DLGAP2: variants seen among roughly 807,000 people sequenced by gnomAD.
The protein encoded by DLGAP2 is disks large-associated protein 2.
A neutral mutation model predicts 100.3 loss-of-function variants in DLGAP2; 26 were observed. The observed-to-expected ratio is 0.26, with a 90% CI of 0.19 to 0.36. The LOEUF (loss-of-function observed/expected upper bound fraction) is 0.36. Ranked by LOEUF, DLGAP2 falls within the 10% of genes least tolerant of loss-of-function variation. DLGAP2 has a pLI of 1.00. For synonymous variants in DLGAP2, 886 were observed against 630.1 expected, an observed-to-expected ratio of 1.41 and a Z score of -6.08; for missense variants, 1,858 against 1,453.2, an observed-to-expected ratio of 1.28 and a Z score of -4.53.
At chr8:1,219,022 G>T (rs960595534) in intron 2 of DLGAP2, among the ~76,000 whole-genome samples, 6 of 152,152 alleles carry the variant, frequency 3.9e-5, no homozygotes, top group Admixed American at 6.5e-5. Context: ...GAGCCTTTGG[G>T]CAGAAACTGC....
intron 2 of DLGAP2, among the ~76,000 whole-genome samples, chr8:1,084,034 A>G (rs1030531424): frequency 6.6e-6 from 1 of 152,218 alleles, no homozygotes; most frequent in Non-Finnish European, 1.5e-5. Flanking sequence ...CTGTGTGATT[A>G]ACACACAAAC....
At chr8:922,506 T>A (rs1001988351) in intron 2 of DLGAP2, among the ~76,000 whole-genome samples, 20 of 152,344 alleles carry the variant, frequency 1.3e-4, no homozygotes, top group Non-Finnish European at 2.4e-4. Flanking sequence ...ATGACTTACT[T>A]CATCTTTGAT....
rs1177116476 is a variant in DLGAP2, at chr8:1,630,972, C to T, written c.1591-1855C>T. Among the ~76,000 whole-genome samples, 54 of 86,184 alleles carry T rather than the reference C, an allele frequency of 6.3e-4. 1 individual carries two copies. Among genetic ancestry groups the T allele is most frequent in the Admixed American group, 1.9e-3 (15 of 7,736 alleles). 56.5% of individuals were successfully genotyped at this position (86,184 alleles called of 152,430 possible). On this transcript the variant is annotated intron_variant, in intron 7 of 14. Transcript: ENST00000637795. ...GGAGGTCCCAGTGTCCCGAGGGTCT[C>T]GGCGGGAGGTCCGGGTGTCCCGAGG...
intron 2 of DLGAP2, among the ~76,000 whole-genome samples, chr8:1,185,167 A>G (rs1416579947): frequency 6.6e-6 from 1 of 152,082 alleles, no homozygotes; most frequent in African/African-American, 2.4e-5. Flanking sequence ...GTGCCGGGCG[A>G]ATGCTGTTCA....
chr8:1,501,447 C>G lies in DLGAP2; in HGVS notation c.172+16C>G. The stretch of plus-strand genomic sequence containing the variant: ...GAGGATCTAGGTAGAGTACAGACGT[C>G]AGCCCCGCTCTGGCGGGGCCCGGAC... On this transcript the variant is annotated intron_variant, in intron 4 of 14. Transcript: ENST00000637795. 2 of 1,535,464 alleles carry G rather than the reference C, an allele frequency of 1.3e-6. No individual in the cohort carries two copies. Among genetic ancestry groups the G allele is most frequent in the South Asian group, 2.4e-5 (2 of 84,034 alleles).
chr8:1,017,853 C>T (rs1477950485), intron 2 of DLGAP2, among the ~76,000 whole-genome samples: 1 of 152,218 alleles, frequency 6.6e-6, no homozygotes, highest in African/African-American at 2.4e-5. Context: ...TGCTTTAGTT[C>T]AGGGCAGGCA....
chr8:821,715 A>C (rs1307887916), intron 1 of DLGAP2, among the ~76,000 whole-genome samples: 3 of 152,212 alleles, frequency 2.0e-5, no homozygotes, highest in Non-Finnish European at 2.9e-5. Flanking sequence ...TTTTTCATCA[A>C]ATTATATAAG....
intron 3 of DLGAP2, among the ~76,000 whole-genome samples, chr8:1,488,182 C>G (rs989637902): frequency 2.0e-5 from 3 of 152,126 alleles, no homozygotes; most frequent in Non-Finnish European, 4.4e-5. Context: ...ACACAGTCCT[C>G]CCCACACTGT....
intron 3 of DLGAP2, among the ~76,000 whole-genome samples, chr8:1,373,199 T>A (rs1046974708): frequency 6.6e-6 from 1 of 152,058 alleles, no homozygotes; most frequent in African/African-American, 2.4e-5. Context: ...GCCGTTTGCT[T>A]GAGTGACTGC....
At chr8:1,484,106 C>T (rs1257644262) in intron 3 of DLGAP2, among the ~76,000 whole-genome samples, 1 of 152,188 alleles carries the variant, frequency 6.6e-6, no homozygotes, top group African/African-American at 2.4e-5. Context: ...TGGGAGCCAG[C>T]GTGGGCTGAG....
chr8:737,958 T>A (rs1017513069), intron 1 of DLGAP2, 133 bp downstream of exon 1: 5 of 327,714 alleles, frequency 1.5e-5, no homozygotes, highest in African/African-American at 1.2e-4. Context: ...CGAGCGGGGG[T>A]CGTGCCGCCC....
chr8:915,598 G>A (rs1337602721), intron 2 of DLGAP2, among the ~76,000 whole-genome samples: 3 of 151,436 alleles, frequency 2.0e-5, no homozygotes, highest in Admixed American at 2.0e-4. Flanking sequence ...TCAGAGTCTC[G>A]GTGGCACCTG....
intron 1 of DLGAP2, among the ~76,000 whole-genome samples, chr8:768,241 C>G (rs1031312214): frequency 6.6e-6 from 1 of 152,096 alleles, no homozygotes; most frequent in Non-Finnish European, 1.5e-5. Context: ...CATGTGGTAG[C>G]TGAGCCCTGC....
intron 3 of DLGAP2, among the ~76,000 whole-genome samples, chr8:1,433,579 A>G (rs1410442113): frequency 2.0e-5 from 3 of 152,284 alleles, no homozygotes; most frequent in Admixed American, 1.3e-4. Context: ...GTCCTAATCA[A>G]TAAGGTGCAC....
chr8:1,636,350 G>C (rs1222292539), intron 8 of DLGAP2, among the ~76,000 whole-genome samples: 1 of 152,160 alleles, frequency 6.6e-6, no homozygotes, highest in East Asian at 1.9e-4. Context: ...AGAGGAAACA[G>C]CCACAGACTT....
At chr8:1,227,175 G>GATATATATATAT (rs1491434618) in intron 2 of DLGAP2, among the ~76,000 whole-genome samples, 1 of 62,950 alleles carries the variant, frequency 1.6e-5, no homozygotes, top group Non-Finnish European at 2.7e-5. Context: ...TATATATATA[G>GATATATATATAT]TATAGATATA....
intron 2 of DLGAP2, among the ~76,000 whole-genome samples, chr8:1,072,842 C>T (rs548282394): frequency 7.9e-5 from 12 of 152,298 alleles, no homozygotes; most frequent in Admixed American, 2.6e-4. Context: ...GCTCCACTGC[C>T]GGGAAGGTTT....
chr8:762,034 T>G (rs1821099913), intron 1 of DLGAP2, among the ~76,000 whole-genome samples: 1 of 152,144 alleles, frequency 6.6e-6, no homozygotes, highest in South Asian at 2.1e-4. Context: ...CGATGATAGG[T>G]CGCTGTGGGT....
intron 3 of DLGAP2, among the ~76,000 whole-genome samples, chr8:1,314,371 A>G (rs1389093111): frequency 6.6e-6 from 1 of 152,208 alleles, no homozygotes; most frequent in East Asian, 1.9e-4. Context: ...TTCACCTTGG[A>G]AGTGCATATT....
Sources: allele counts gnomAD v4.1 joint callset (sites outside exome capture counted in the v4.1 genomes callset), GRCh38; gene constraint gnomAD v4.1.1; transcripts MANE v1.5; gene names NCBI Gene and HGNC (gene_info 2026-07-23, HGNC 2026-07-21).